The following MMP26 variants were observed in gnomAD, a reference collection of about 807,000 sequenced individuals.
MMP26 encodes the protein matrix metallopeptidase 26.
Under a neutral mutation model 31.0 loss-of-function variants are expected in MMP26, and 33 were observed. The ratio of observed to expected loss-of-function variants is 1.06; its 90% CI spans 0.81 to 1.42. The LOEUF (loss-of-function observed/expected upper bound fraction) is 1.42. Ranked by LOEUF, MMP26 falls within the 40% of genes most tolerant of loss-of-function variation. The pLI, the probability that MMP26 is intolerant of heterozygous loss-of-function variation, is 0.00. For synonymous variants in MMP26, 122 were observed against 114.9 expected, an observed-to-expected ratio of 1.06 and a Z score of -0.40; for missense variants, 347 against 316.1, an observed-to-expected ratio of 1.10 and a Z score of -0.74.
intron 1 of MMP26, among the ~76,000 whole-genome samples, chr11:4,741,329 C>A (rs1429762342): frequency 1.3e-5 from 2 of 152,178 alleles, no homozygotes; most frequent in African/African-American, 4.8e-5. Context: ...ATAAATCATT[C>A]TACTATAAAG....
intron 1 of MMP26, among the ~76,000 whole-genome samples, chr11:4,726,460 TA>T (rs199521563): frequency 1.8e-3 from 254 of 144,490 alleles, no homozygotes; most frequent in Admixed American, 4.2e-3. Context: ...GCAACTTCAT[TA>T]AAAAAAAAAA....
At chr11:4,730,021 T>A (rs1248876767) in intron 1 of MMP26, among the ~76,000 whole-genome samples, 1 of 151,510 alleles carries the variant, frequency 6.6e-6, no homozygotes, top group African/African-American at 2.4e-5. Context: ...GAGACAATGT[T>A]TTACATTTAT....
chr11:4,973,009 T>C (rs1473796524), intron 2 of MMP26: 5 of 153,258 alleles, frequency 3.3e-5, no homozygotes, highest in African/African-American at 2.4e-5. Flanking sequence ...TCACACAGTA[T>C]ACAATGGGGT....
At chr11:4,758,198 A>G (rs555624121) in intron 1 of MMP26, among the ~76,000 whole-genome samples, 1 of 152,330 alleles carries the variant, frequency 6.6e-6, no homozygotes, top group Non-Finnish European at 1.5e-5. Context: ...AATAAGTGCT[A>G]CAATATGGAT....
chr11:4,818,513 T>C (rs974619257), intron 2 of MMP26, among the ~76,000 whole-genome samples: 2 of 152,202 alleles, frequency 1.3e-5, no homozygotes, highest in Admixed American at 6.5e-5. Flanking sequence ...TATATTCTTT[T>C]TAAATAACTT....
chr11:4,758,849 C>T (rs1238643764), intron 1 of MMP26, among the ~76,000 whole-genome samples: 1 of 151,998 alleles, frequency 6.6e-6, no homozygotes, highest in Non-Finnish European at 1.5e-5. Flanking sequence ...TGATGGCTCA[C>T]ACCTGTAATC....
chr11:4,707,538 G>A lies in MMP26; in HGVS notation c.-217+2493G>A, dbSNP rs112165174. ...TTTAAAATAAAGAGTGTATGACCTT[G>A]AGGTCATTACTTGCTCTCCACTTCA... On this transcript the variant is annotated intron_variant, in intron 1 of 7. Transcript: ENST00000380390. Among the ~76,000 whole-genome samples, 301 of 152,278 alleles carry A rather than the reference G, an allele frequency of 2.0e-3. 4 individuals carry two copies. The highest frequency in any genetic ancestry group is 6.8e-3 in the African/African-American group (284 of 41,552).
intron 2 of MMP26, among the ~76,000 whole-genome samples, chr11:4,896,251 A>G (rs1473971530): frequency 6.6e-6 from 1 of 152,144 alleles, no homozygotes; most frequent in East Asian, 1.9e-4. Flanking sequence ...ATAGAAAAAC[A>G]GAAATAAGTT....
intron 2 of MMP26, among the ~76,000 whole-genome samples, chr11:4,925,153 A>T (rs981716403): frequency 1.3e-4 from 20 of 152,166 alleles, no homozygotes; most frequent in African/African-American, 4.8e-4. Context: ...GGAGCATAGT[A>T]CAGGTGAGAA....
chr11:4,750,486 T>C (rs1848434386), intron 1 of MMP26, among the ~76,000 whole-genome samples: 1 of 152,042 alleles, frequency 6.6e-6, no homozygotes, highest in African/African-American at 2.4e-5. Context: ...TTTATCACAG[T>C]ACTCTTCACA....
At chr11:4,781,189 G>T (rs930684128) in intron 2 of MMP26, among the ~76,000 whole-genome samples, 2 of 152,096 alleles carry the variant, frequency 1.3e-5, no homozygotes, top group Non-Finnish European at 2.9e-5. Flanking sequence ...TTTTGATTGT[G>T]GTGATGGTTG....
At chr11:4,925,237 C>A (rs1851253597) in intron 2 of MMP26, among the ~76,000 whole-genome samples, 1 of 152,116 alleles carries the variant, frequency 6.6e-6, no homozygotes, top group Non-Finnish European at 1.5e-5. Flanking sequence ...GAAATTTAAA[C>A]CCTGACATTG....
chr11:4,920,861 A>T (rs1350422902), intron 2 of MMP26, among the ~76,000 whole-genome samples: 2 of 152,340 alleles, frequency 1.3e-5, no homozygotes, highest in East Asian at 3.9e-4. Flanking sequence ...TAAAAAGTAT[A>T]CTTTAATTCA....
chr11:4,960,589 G>T (rs376385110), intron 2 of MMP26, among the ~76,000 whole-genome samples: 1 of 150,344 alleles, frequency 6.7e-6, no homozygotes, highest in East Asian at 2.0e-4. Context: ...TTCAGAGGGT[G>T]ATCTGCAATT....
intron 2 of MMP26, among the ~76,000 whole-genome samples, chr11:4,917,883 GTAGA>G (rs915848628): frequency 1.6e-4 from 25 of 151,862 alleles, no homozygotes; most frequent in African/African-American, 6.0e-4. Flanking sequence ...CTGACAAATA[GTAGA>G]TACTCTTCAG....
At chr11:4,816,830 A>C (rs1472030243) in intron 2 of MMP26, among the ~76,000 whole-genome samples, 2 of 148,526 alleles carry the variant, frequency 1.3e-5, no homozygotes, top group Non-Finnish European at 3.0e-5. Context: ...CAGCCTCCCG[A>C]GTAGCTGGGA....
intron 2 of MMP26, chr11:4,973,277 A>G (rs1471734323): frequency 6.5e-6 from 1 of 153,708 alleles, no homozygotes; most frequent in Non-Finnish European, 1.5e-5. Flanking sequence ...GAGAGCCACA[A>G]ATAAGCCATA....
chr11:4,783,242 G>A (rs1848889571), intron 2 of MMP26, among the ~76,000 whole-genome samples: 2 of 152,226 alleles, frequency 1.3e-5, no homozygotes, highest in African/African-American at 4.8e-5. Context: ...GGGCAGACAT[G>A]CCCAAGATCA....
intron 2 of MMP26, among the ~76,000 whole-genome samples, chr11:4,904,568 G>T (rs970848144): frequency 2.0e-5 from 3 of 151,946 alleles, no homozygotes; most frequent in African/African-American, 7.2e-5. Context: ...CATTTTTACT[G>T]TATGATTTCA....
Sources: gnomAD v4.1 joint callset for allele counts (sites outside exome capture counted in the v4.1 genomes callset) on GRCh38, gnomAD v4.1.1 for gene constraint, MANE v1.5 for transcripts, NCBI Gene and HGNC (gene_info 2026-07-23, HGNC 2026-07-21) for gene names.